The following NELL2 variants were observed in gnomAD, a reference collection of about 807,000 sequenced individuals.
The protein encoded by NELL2 is neural EGFL like 2.
Under a neutral mutation model 109.6 loss-of-function variants are expected in NELL2, and 41 were observed. The observed-to-expected ratio is 0.37, with a 90% CI of 0.29 to 0.49. The LOEUF (loss-of-function observed/expected upper bound fraction) is 0.49, where lower values mean the gene tolerates loss of function less well. Ranked by LOEUF, NELL2 falls within the 20% of genes least tolerant of loss-of-function variation. The probability of loss-of-function intolerance (pLI) is 0.98; values close to 1 mark genes in which losing one functional copy is unlikely to be tolerated. For missense variants in NELL2, 900 were observed against 1,008.3 expected (o/e 0.89, Z 1.45); for synonymous variants, 355 against 344.7 (o/e 1.03, Z -0.33).
intron 15 of NELL2, among the ~76,000 whole-genome samples, chr12:44,559,827 A>G (rs141960880): frequency 0.08 from 12,199 of 152,226 alleles, 596 homozygotes; most frequent in African/African-American, 0.14. Context: ...GACCAAGTGG[A>G]CTTAATAGAC....
chr12:44,614,869 T>C (rs1281311664), intron 13 of NELL2, among the ~76,000 whole-genome samples: 1 of 152,102 alleles, frequency 6.6e-6, no homozygotes, highest in Non-Finnish European at 1.5e-5. Flanking sequence ...CCATGCTCTG[T>C]TCAAAAATTT....
intron 9 of NELL2, among the ~76,000 whole-genome samples, chr12:44,732,462 T>C (rs561079222): frequency 2.6e-5 from 4 of 152,138 alleles, no homozygotes; most frequent in Admixed American, 2.0e-4. Flanking sequence ...GGGGAAAAGA[T>C]AGTCTCTTCA....
chr12:44,767,907 G>A (rs563272242), intron 9 of NELL2, among the ~76,000 whole-genome samples: 16 of 152,230 alleles, frequency 1.1e-4, no homozygotes, highest in Non-Finnish European at 2.2e-4. Flanking sequence ...TGTTTGCATG[G>A]TTTGCAGATT....
At chr12:44,608,959 T>C (rs997022418) in intron 14 of NELL2, among the ~76,000 whole-genome samples, 3 of 151,130 alleles carry the variant, frequency 2.0e-5, no homozygotes, top group Admixed American at 6.6e-5. Context: ...TGATAAAGTT[T>C]AAAGTATAAG....
At chr12:44,652,391 C>T (rs1947332346) in intron 13 of NELL2, among the ~76,000 whole-genome samples, 1 of 152,032 alleles carries the variant, frequency 6.6e-6, no homozygotes, top group Admixed American at 6.6e-5. Context: ...TGTTTGTGTT[C>T]ACTGGAAACA....
At chr12:44,694,944 C>T (rs1592351009) in intron 12 of NELL2, among the ~76,000 whole-genome samples, 1 of 151,514 alleles carries the variant, frequency 6.6e-6, no homozygotes, top group Admixed American at 6.6e-5. Context: ...ATGGTTATGT[C>T]AGGAATTCAT....
chr12:44,571,059 T>A (rs993955062), intron 15 of NELL2, among the ~76,000 whole-genome samples: 3 of 152,142 alleles, frequency 2.0e-5, no homozygotes, highest in Non-Finnish European at 4.4e-5. Context: ...GCACATACTT[T>A]ATATACTAAG....
chr12:44,522,411 AT>A (rs1403204632), intron 17 of NELL2, among the ~76,000 whole-genome samples: 2 of 152,074 alleles, frequency 1.3e-5, no homozygotes, highest in African/African-American at 4.8e-5. Flanking sequence ...TGACCAGAAA[AT>A]ATTTTTTTTC....
chr12:44,570,392 G>A (rs1444296102), intron 15 of NELL2, among the ~76,000 whole-genome samples: 2 of 152,122 alleles, frequency 1.3e-5, no homozygotes, highest in Non-Finnish European at 1.5e-5. Flanking sequence ...ATCAATCACA[G>A]ACCCACAGAC....
chr12:44,759,212 G>T (rs1264768635), intron 9 of NELL2, among the ~76,000 whole-genome samples: 1 of 152,060 alleles, frequency 6.6e-6, no homozygotes, highest in East Asian at 1.9e-4. Context: ...TCCTCACAGG[G>T]TATTAAAAAA....
At chr12:44,881,964 A>G (rs1945416414) in intron 1 of NELL2, 1 of 152,028 alleles carries the variant, frequency 6.6e-6, no homozygotes, top group Non-Finnish European at 1.5e-5. Context: ...AGGCCACAAA[A>G]AAGTGGAATT....
chr12:44,523,695 T>A, intron 16 of NELL2: 1 of 560,448 alleles, frequency 1.8e-6, no homozygotes, highest in South Asian at 2.3e-5. Context: ...ATTTAAAAAA[T>A]CAGGTAACCT....
chr12:44,509,483 AAGCC>A (rs1940884195), intron 19 of NELL2, among the ~76,000 whole-genome samples: 1 of 152,138 alleles, frequency 6.6e-6, no homozygotes, highest in Admixed American at 6.6e-5. Flanking sequence ...TTAGGAGGTA[AAGCC>A]TTTGAGAGGT....
At chr12:44,728,362 G>T (rs533626221) in intron 9 of NELL2, among the ~76,000 whole-genome samples, 5 of 152,160 alleles carry the variant, frequency 3.3e-5, no homozygotes, top group African/African-American at 9.6e-5. Context: ...TCCACTAGAG[G>T]AGTTCAACAG....
At chr12:44,718,759 C>T (rs535101197) in intron 9 of NELL2, among the ~76,000 whole-genome samples, 3 of 152,222 alleles carry the variant, frequency 2.0e-5, no homozygotes, top group African/African-American at 7.2e-5. Flanking sequence ...GAATGCTATA[C>T]CATTTTGAAA....
chr12:44,693,749 C>T (rs1948973143), intron 12 of NELL2, among the ~76,000 whole-genome samples: 1 of 152,124 alleles, frequency 6.6e-6, no homozygotes, highest in Non-Finnish European at 1.5e-5. Context: ...AATGCAAGTT[C>T]AAATTTAGCT....
chr12:44,811,989 C>CA (rs35196776), intron 3 of NELL2, among the ~76,000 whole-genome samples: 3 of 151,998 alleles, frequency 2.0e-5, no homozygotes, highest in African/African-American at 4.8e-5. Flanking sequence ...ATCTTCCCCC[C>CA]AAAAAAACCC....
chr12:44,659,175 C>T (rs527699219), intron 13 of NELL2, among the ~76,000 whole-genome samples: 144 of 152,240 alleles, frequency 9.5e-4, no homozygotes, highest in Non-Finnish European at 1.1e-3. Flanking sequence ...TGGACCCCTT[C>T]CTTACACCTG....
intron 3 of NELL2, among the ~76,000 whole-genome samples, chr12:44,783,942 A>AC (rs1206249114): frequency 9.9e-5 from 15 of 152,120 alleles, no homozygotes; most frequent in Non-Finnish European, 2.2e-4. Flanking sequence ...TAACAAATAT[A>AC]ATTCAGCAAT....
Sources: gnomAD v4.1 joint callset for allele counts (sites outside exome capture counted in the v4.1 genomes callset) on GRCh38, gnomAD v4.1.1 for gene constraint, MANE v1.5 for transcripts, NCBI Gene and HGNC (gene_info 2026-07-23, HGNC 2026-07-21) for gene names.